The following ITGA8 variants were observed in gnomAD, a reference collection of about 807,000 sequenced individuals.
ITGA8 encodes integrin alpha-8.
Under a neutral mutation model 142.3 loss-of-function variants are expected in ITGA8, and 91 were observed. The ratio of observed to expected loss-of-function variants is 0.64; its 90% CI spans 0.54 to 0.76. ITGA8 has a LOEUF of 0.76. Ranked by LOEUF, ITGA8 falls within the 30% of genes least tolerant of loss-of-function variation. The pLI is 0.00. For missense variants in ITGA8, 1,406 were observed against 1,327.7 expected (o/e 1.06, Z -0.92); for synonymous variants, 505 against 485.2 (o/e 1.04, Z -0.54).
chr10:15,608,402 TACAC>T (rs3041592), intron 15 of ITGA8, 112 bp from the exon 16 acceptor site: 12,374 of 453,404 alleles, frequency 0.027, 6 homozygotes, highest in Middle Eastern at 0.05. Context: ...TATTTCTAAT[TACAC>T]ACACACACAC....
intron 1 of ITGA8, 79 bp from the exon 2 acceptor site, chr10:15,718,978 C>G: frequency 1.3e-6 from 2 of 1,597,340 alleles, no homozygotes. Flanking sequence ...TAACCTCCTG[C>G]CCGGGGACAC....
Position 15,528,170 on chromosome 10 carries a change from A to G in ITGA8, c.2982+2880T>C, listed in dbSNP as rs1347655377. ...AGGCTAATCTCAAACTCCTGAGCTG[A>G]AGCAATCTGCCTGCCTTGGCCTCCC... On this transcript the variant is annotated intron_variant, in intron 28 of 29. Transcript: ENST00000378076. 3.9e-5 allele frequency among the ~76,000 whole-genome samples: 6 copies of G among 152,188 alleles called. No individual in the cohort carries two copies. In the East Asian group the frequency reaches 1.2e-3, roughly 29 times the overall value.
intron 26 of ITGA8, among the ~76,000 whole-genome samples, chr10:15,556,402 C>T (rs1833890264): frequency 6.6e-6 from 1 of 152,086 alleles, no homozygotes; most frequent in African/African-American, 2.4e-5. Flanking sequence ...TTCAGTGTCA[C>T]CACAAATCAC....
At chr10:15,719,292 C>T (rs1179455264) in intron 1 of ITGA8, among the ~76,000 whole-genome samples, 1 of 152,230 alleles carries the variant, frequency 6.6e-6, no homozygotes, top group African/African-American at 2.4e-5. Flanking sequence ...GGGTCCTGTT[C>T]TCTCCTTTGT....
intron 13 of ITGA8, among the ~76,000 whole-genome samples, chr10:15,628,051 T>C (rs1387152899): frequency 6.6e-6 from 1 of 152,012 alleles, no homozygotes; most frequent in Non-Finnish European, 1.5e-5. Flanking sequence ...ACCAGCCCTA[T>C]GACAGTTTGC....
intron 2 of ITGA8, among the ~76,000 whole-genome samples, chr10:15,700,946 A>G (rs951885829): frequency 4.6e-5 from 7 of 152,290 alleles, no homozygotes; most frequent in South Asian, 2.1e-4. Flanking sequence ...TTAAAAATCT[A>G]TGTTTTTATA....
chr10:15,651,055 C>G (rs554639148), intron 11 of ITGA8, among the ~76,000 whole-genome samples: 2 of 152,268 alleles, frequency 1.3e-5, no homozygotes, highest in South Asian at 4.1e-4. Flanking sequence ...AAGTTAACCA[C>G]TAAGAATCTG....
At position 15,653,917 on chromosome 10, in the gene ITGA8, C is replaced by T. The variant is rs186168743; in HGVS notation, c.1001+1437G>A. Among the ~76,000 whole-genome samples, 1,150 of 151,674 alleles carry T rather than the reference C, an allele frequency of 7.6e-3. 16 individuals are homozygous for T. Among genetic ancestry groups the T allele is most frequent in the African/African-American group, 0.027 (1,111 of 41,362 alleles). On this transcript the variant is annotated intron_variant, in intron 11 of 29. Transcript: ENST00000378076. ...TGGTGCAATCACGGCTCACTGCAACCTCTGCCTCCTGGGTTCAAGGGATTA... is the reference window on the plus strand; with the variant it reads ...TGGTGCAATCACGGCTCACTGCAACTTCTGCCTCCTGGGTTCAAGGGATTA...
At chr10:15,649,845 G>A (rs1834054500) in intron 11 of ITGA8, among the ~76,000 whole-genome samples, 1 of 152,128 alleles carries the variant, frequency 6.6e-6, no homozygotes, top group African/African-American at 2.4e-5. Flanking sequence ...TTGCTAATGG[G>A]AATACAAAAT....
At chr10:15,594,514 G>A (rs1414602515) in intron 21 of ITGA8, among the ~76,000 whole-genome samples, 1 of 152,042 alleles carries the variant, frequency 6.6e-6, no homozygotes, top group Non-Finnish European at 1.5e-5. Flanking sequence ...GGGCGTGAGG[G>A]TGGCTCACAC....
rs376644664 is a variant in ITGA8, at chr10:15,671,624, A to T, written c.826T>A (p.Phe276Ile). The T allele has an allele frequency of 2.5e-6, 4 of 1,612,690 alleles. No individual in the cohort carries two copies. In the African/African-American group the frequency reaches 5.3e-5, roughly 22 times the overall value. ...YLGYSVAAGE[F>I]TGDSQQELVA... Reference sequence around the variant, plus strand: ...TCACCTTGCTGAGAATCCCCAGTAAACTCCCCAGCAGCAACTGAGTATCCT... The same window carrying T: ...TCACCTTGCTGAGAATCCCCAGTAATCTCCCCAGCAGCAACTGAGTATCCT... The change falls in exon 8 of 30, where the codon TTT becomes ATT. Residue 276 changes from phenylalanine to isoleucine, a missense_variant. Transcript: ENST00000378076.
intron 28 of ITGA8, among the ~76,000 whole-genome samples, chr10:15,529,941 G>T (rs1833255730): frequency 6.6e-6 from 1 of 152,212 alleles, no homozygotes; most frequent in South Asian, 2.1e-4. Flanking sequence ...TGATGCCATT[G>T]ATCTGCAATC....
chr10:15,542,290 C>T (rs994598505), intron 27 of ITGA8, among the ~76,000 whole-genome samples: 1 of 152,154 alleles, frequency 6.6e-6, no homozygotes, highest in Non-Finnish European at 1.5e-5. Context: ...TAGAGAAATG[C>T]TCTTAATCTG....
At chr10:15,629,566 C>A (rs1257553170) in intron 13 of ITGA8, among the ~76,000 whole-genome samples, 2 of 152,076 alleles carry the variant, frequency 1.3e-5, no homozygotes, top group Non-Finnish European at 2.9e-5. Context: ...CCCTACCCTC[C>A]TCTTAAATGA....
intron 13 of ITGA8, among the ~76,000 whole-genome samples, chr10:15,632,272 G>A (rs1833697905): frequency 6.6e-6 from 1 of 152,128 alleles, no homozygotes; most frequent in South Asian, 2.1e-4. Context: ...TCAAAGGGGA[G>A]TCAGAAATAA....
At chr10:15,535,899 G>A (rs139218822) in intron 27 of ITGA8, among the ~76,000 whole-genome samples, 1 of 152,002 alleles carries the variant, frequency 6.6e-6, no homozygotes, top group East Asian at 1.9e-4. Context: ...CACTCACCTC[G>A]AAGGTCTGCA....
rs72781816 is a variant in ITGA8 at position 15,684,089 on chromosome 10, C to T, written c.483G>A (p.Pro161=). The change falls in exon 4 of 30, where the codon CCG becomes CCA. Residue 161 remains proline (P), a synonymous_variant. Coordinates refer to ENST00000378076, the MANE Select transcript of ITGA8 (RefSeq NM_003638.3). The part of the protein sequence containing the change: ...APLYHWRTLK[P]TPEKDPVGTC... ...TGCCAACTGGGTCCTTTTCTGGTGT[C>T]GGTTTAAGAGTTCTCCAGTGATATA... The T allele has an allele frequency of 9.0e-3, 14,592 of 1,613,972 alleles. 95 individuals carry two copies. Among genetic ancestry groups the T allele is most frequent in the Non-Finnish European group, 0.011 (12,977 of 1,179,926 alleles).
intron 27 of ITGA8, among the ~76,000 whole-genome samples, chr10:15,544,130 A>C (rs377614249): frequency 6.7e-6 from 1 of 150,080 alleles, no homozygotes; most frequent in East Asian, 1.9e-4. Context: ...TATAATCTCT[A>C]TAAAAAATAA....
At chr10:15,663,793 C>T (rs1450874595) in intron 8 of ITGA8, among the ~76,000 whole-genome samples, 2 of 152,066 alleles carry the variant, frequency 1.3e-5, no homozygotes, top group East Asian at 1.9e-4. Flanking sequence ...TGGTATAGAA[C>T]TCCTGAGCTC....
Sources: gnomAD v4.1 joint callset for allele counts (sites outside exome capture counted in the v4.1 genomes callset) on GRCh38, gnomAD v4.1.1 for gene constraint, MANE v1.5 for transcripts, NCBI Gene and HGNC (gene_info 2026-07-23, HGNC 2026-07-21) for gene names.